LTBP1: variants seen among roughly 807,000 people sequenced by gnomAD.
The protein encoded by LTBP1 is latent transforming growth factor beta binding protein 1, also known as latent-transforming growth factor beta-binding protein 1.
Under a neutral mutation model 207.6 loss-of-function variants are expected in LTBP1, and 129 were observed. That is an observed-to-expected ratio of 0.62 (90% CI 0.54 to 0.72). The LOEUF is 0.72. LTBP1 is among the 30% of genes least tolerant of loss of function. The pLI is 0.00. For synonymous variants in LTBP1, 963 were observed against 833.7 expected (o/e 1.16, Z -2.67); for missense variants, 2,281 against 2,217.2 (o/e 1.03, Z -0.58).
intron 3 of LTBP1, among the ~76,000 whole-genome samples, chr2:33,103,961 C>T (rs996173299): frequency 1.3e-5 from 2 of 152,098 alleles, no homozygotes; most frequent in Non-Finnish European, 2.9e-5. Flanking sequence ...ACTAAGGACC[C>T]TCAACACAGG....
chr2:32,947,069 C>CCCCTCCCCGCTCCCCTG lies in LTBP1; in HGVS notation c.-256_-255insCCCTCCCCGCTCCCCTG. The CCCCTCCCCGCTCCCCTG allele has an allele frequency of 3.3e-6, 1 of 299,342 alleles. No homozygotes were observed. Among genetic ancestry groups the CCCCTCCCCGCTCCCCTG allele is most frequent in the Non-Finnish European group, 6.1e-6 (1 of 163,264 alleles). The allele number at this position is 299,342 out of a possible 1,614,324, so 18.5% of individuals were successfully genotyped here. A position where few individuals can be genotyped will look rare whatever the true frequency, so the allele number is the denominator to read the frequency against. ...CTCACCTTGCGCGGCCCGCTCCCCT[C>CCCCTCCCCGCTCCCCTG]GCCCCTCCCCGCTCCCCGGGCTCCG... On this transcript the variant is annotated 5_prime_UTR_variant, in exon 1 of 34. Transcript: ENST00000404816.
At chr2:33,330,765 T>C (rs112256371) in intron 24 of LTBP1, among the ~76,000 whole-genome samples, 1 of 148,126 alleles carries the variant, frequency 6.8e-6, no homozygotes, top group African/African-American at 2.6e-5. Flanking sequence ...ACAATATCTT[T>C]TTTTTTTTGC....
At chr2:33,061,523 T>C (rs1003718323) in intron 3 of LTBP1, 1 of 152,146 alleles carries the variant, frequency 6.6e-6, no homozygotes, top group Non-Finnish European at 1.5e-5. Flanking sequence ...TTCACCATAC[T>C]TTTCACTATT....
intron 2 of LTBP1, among the ~76,000 whole-genome samples, chr2:32,989,401 T>C (rs531449282): frequency 6.6e-6 from 1 of 152,368 alleles, no homozygotes; most frequent in South Asian, 2.1e-4. Flanking sequence ...ATCAGTTTTC[T>C]ACATCTTACA....
At chr2:33,203,609 C>A (rs973390285) in intron 7 of LTBP1, among the ~76,000 whole-genome samples, 2 of 152,176 alleles carry the variant, frequency 1.3e-5, no homozygotes, top group Non-Finnish European at 2.9e-5. Context: ...TTGGTTCTCC[C>A]TAAGCCCCTC....
chr2:33,369,893 T>A (rs967757271), intron 31 of LTBP1, among the ~76,000 whole-genome samples: 1 of 152,206 alleles, frequency 6.6e-6, no homozygotes, highest in Admixed American at 6.5e-5. Context: ...GTAGTCACAT[T>A]TACACAAAAC....
chr2:33,392,338 C>G lies in LTBP1; in HGVS notation c.4834+3032C>G, dbSNP rs151017662. ...TAGCCCTGGGATTATAGGCATGCAC[C>G]ACCATGCCCGACTAATTTTTGCATT... On this transcript the variant is annotated intron_variant, in intron 32 of 33. Coordinates refer to ENST00000404816, the MANE Select transcript of LTBP1 (RefSeq NM_206943.4). Among the ~76,000 whole-genome samples the G allele has an allele frequency of 1.9e-3, 296 of 152,178 alleles. 2 individuals carry two copies. Among genetic ancestry groups the G allele is most frequent in the African/African-American group, 6.8e-3 (281 of 41,516 alleles).
intron 31 of LTBP1, among the ~76,000 whole-genome samples, chr2:33,368,754 G>C (rs1250078292): frequency 6.6e-6 from 1 of 152,176 alleles, no homozygotes. Context: ...GTACACACCT[G>C]TAGTCCTAGC....
chr2:33,257,777 T>C (rs911179709), intron 12 of LTBP1, among the ~76,000 whole-genome samples: 3 of 152,208 alleles, frequency 2.0e-5, no homozygotes, highest in African/African-American at 7.2e-5. Flanking sequence ...TATCTTGGCG[T>C]TTATATCTGG....
intron 3 of LTBP1, among the ~76,000 whole-genome samples, chr2:33,103,033 A>T (rs1229503710): frequency 6.6e-6 from 1 of 151,790 alleles, no homozygotes; most frequent in Non-Finnish European, 1.5e-5. Context: ...CATTGTCTGT[A>T]TGCATAGTCT....
chr2:33,150,704 C>CTTTTTTTTTTTTTTTTTTTTTTTTTTT (rs1211013076), intron 5 of LTBP1, among the ~76,000 whole-genome samples: 2 of 108,842 alleles, frequency 1.8e-5, no homozygotes, highest in African/African-American at 7.0e-5. Context: ...TTTCTTTTTT[C>CTTTTTTTTTTTTTTTTTTTTTTTTTTT]TTTTTCTTTT....
intron 3 of LTBP1, among the ~76,000 whole-genome samples, chr2:33,100,322 C>T (rs1192684690): frequency 6.6e-6 from 1 of 151,992 alleles, no homozygotes; most frequent in Admixed American, 6.6e-5. Context: ...CCAGAATTGG[C>T]ATCTCAAATG....
In LTBP1 at chr2:33,094,198, G is replaced by A. The variant is rs192114202; in HGVS notation, c.864-16384G>A. On this transcript the variant is annotated intron_variant, in intron 3 of 33. Coordinates refer to ENST00000404816, the MANE Select transcript of LTBP1 (RefSeq NM_206943.4). ...ATTTATTTTGTATCTCTTCTTCAAT[G>A]ACATAAGAAGGTTAAATTAGCCCAA... Among the ~76,000 whole-genome samples, 3 of 152,144 alleles carry A rather than the reference G, an allele frequency of 2.0e-5. No individual in the cohort carries two copies. The East Asian group carries it at 5.8e-4, about 29-fold the overall frequency.
intron 4 of LTBP1, among the ~76,000 whole-genome samples, chr2:33,117,737 A>C (rs892339265): frequency 6.6e-6 from 1 of 152,168 alleles, no homozygotes; most frequent in Non-Finnish European, 1.5e-5. Flanking sequence ...CCATTATGGG[A>C]TGGATGCTGC....
intron 10 of LTBP1, among the ~76,000 whole-genome samples, chr2:33,249,897 T>C: frequency 6.6e-6 from 1 of 152,230 alleles, no homozygotes; most frequent in East Asian, 1.9e-4. Flanking sequence ...TTAGAAATCT[T>C]TTGGTATTTC....
intron 3 of LTBP1, among the ~76,000 whole-genome samples, chr2:33,110,160 A>T (rs1050478884): frequency 1.3e-5 from 2 of 152,172 alleles, no homozygotes; most frequent in African/African-American, 4.8e-5. Flanking sequence ...GTGCAGTCAT[A>T]GTTCACTCCA....
At position 33,086,472 on chromosome 2, in the gene LTBP1, A is replaced by G. The variant is rs1446098465; in HGVS notation, c.864-24110A>G. 2.0e-5 allele frequency among the ~76,000 whole-genome samples: 3 copies of G among 152,222 alleles called. 1 individual carries two copies. Among genetic ancestry groups the G allele is most frequent in the South Asian group, 4.1e-4 (2 of 4,830 alleles). On this transcript the variant is annotated intron_variant, in intron 3 of 33. Coordinates refer to ENST00000404816, the MANE Select transcript of LTBP1 (RefSeq NM_206943.4). ...AGCAGCAGCAGGCCCAGGAGGGGAA[A>G]TAATGGAGCTTGCCATTGACTTCCT...
At chr2:33,372,536 T>C (rs1049189080) in intron 31 of LTBP1, among the ~76,000 whole-genome samples, 3 of 152,214 alleles carry the variant, frequency 2.0e-5, no homozygotes, top group Non-Finnish European at 4.4e-5. Flanking sequence ...TCACTTAATC[T>C]AAAATGATTT....
chr2:32,959,813 G>T (rs896968268), intron 2 of LTBP1, among the ~76,000 whole-genome samples: 2 of 150,954 alleles, frequency 1.3e-5, no homozygotes, highest in Non-Finnish European at 2.9e-5. Flanking sequence ...TAGAGATGGG[G>T]TTTCACCACT....
Sources: allele counts gnomAD v4.1 joint callset (sites outside exome capture counted in the v4.1 genomes callset), GRCh38; gene constraint gnomAD v4.1.1; transcripts MANE v1.5; gene names NCBI Gene and HGNC (gene_info 2026-07-23, HGNC 2026-07-21).